Variants in CNGA1 observed in about 807,000 individuals in gnomAD.
The protein encoded by CNGA1 is cyclic nucleotide-gated channel alpha-1.
A neutral mutation model predicts 69.7 loss-of-function variants in CNGA1; 53 were observed. That is an observed-to-expected ratio of 0.76 (90% CI 0.61 to 0.96). The LOEUF is 0.96. Ranked by LOEUF, CNGA1 falls within the 40% of genes least tolerant of loss-of-function variation. The pLI, the probability that CNGA1 is intolerant of heterozygous loss-of-function variation, is 0.00. For synonymous variants in CNGA1, 249 were observed against 283.5 expected (o/e 0.88, Z 1.22); for missense variants, 739 against 811.2 (o/e 0.91, Z 1.08).
chr4:47,996,259 A>T (rs888691357), intron 2 of CNGA1, among the ~76,000 whole-genome samples: 10 of 152,092 alleles, frequency 6.6e-5, no homozygotes, highest in Non-Finnish European at 1.3e-4. Context: ...AGCCCTCAGC[A>T]TGATTGGGGT....
chr4:47,939,901 G>A (rs1272775413), intron 10 of CNGA1, among the ~76,000 whole-genome samples: 1 of 152,146 alleles, frequency 6.6e-6, no homozygotes, highest in Non-Finnish European at 1.5e-5. Context: ...TATCGTGGAC[G>A]CTTGGGTACT....
At chr4:47,954,459 C>T (rs1051852989) in intron 3 of CNGA1, among the ~76,000 whole-genome samples, 7 of 152,226 alleles carry the variant, frequency 4.6e-5, no homozygotes, top group African/African-American at 1.7e-4. Context: ...CTCCCCCTTC[C>T]CTCAGGGGTT....
intron 2 of CNGA1, among the ~76,000 whole-genome samples, chr4:47,985,781 T>G (rs1321918653): frequency 6.7e-6 from 1 of 149,666 alleles, no homozygotes; most frequent in Non-Finnish European, 1.5e-5. Flanking sequence ...AAAAACCATA[T>G]TTAAGAATGA....
intron 6 of CNGA1, among the ~76,000 whole-genome samples, chr4:47,944,596 C>G (rs1022558581): frequency 6.6e-6 from 1 of 152,146 alleles, no homozygotes; most frequent in East Asian, 1.9e-4. Context: ...AGAAAAGTGG[C>G]ATCTTGAAGT....
chr4:47,958,531 A>G (rs915138679), intron 3 of CNGA1, among the ~76,000 whole-genome samples: 1 of 152,038 alleles, frequency 6.6e-6, no homozygotes, highest in Non-Finnish European at 1.5e-5. Context: ...CTGAGGCAGG[A>G]GAATCATTGG....
intron 3 of CNGA1, among the ~76,000 whole-genome samples, chr4:47,961,562 G>A (rs1740438950): frequency 1.3e-5 from 2 of 152,160 alleles, no homozygotes; most frequent in African/African-American, 4.8e-5. Context: ...GGGCAACATA[G>A]TGAGATCCCC....
intron 3 of CNGA1, among the ~76,000 whole-genome samples, chr4:47,960,689 T>TAC (rs1479362228): frequency 1.3e-5 from 2 of 149,726 alleles, no homozygotes; most frequent in Non-Finnish European, 3.0e-5. Flanking sequence ...TTTTCATCAA[T>TAC]AGAGGAATGG....
chr4:47,984,751 CA>C (rs1560305892), intron 2 of CNGA1, among the ~76,000 whole-genome samples: 1 of 150,994 alleles, frequency 6.6e-6, no homozygotes, highest in Non-Finnish European at 1.5e-5. Context: ...TTTAATTACC[CA>C]ATTTGGATCT....
intron 3 of CNGA1, among the ~76,000 whole-genome samples, chr4:47,968,169 C>T (rs1428894119): frequency 1.3e-5 from 2 of 152,112 alleles, no homozygotes; most frequent in Non-Finnish European, 2.9e-5. Flanking sequence ...AAGTATTTGG[C>T]ATCTACAAGG....
chr4:47,937,345 T>C lies in CNGA1; in HGVS notation c.1137A>G (p.Leu379=), dbSNP rs1738728562. ...SEYVFVVVDF[L]IGVLIFATIV... ...TGGTAGCAAAAATTAACACTCCAATTAGGAAATCAACCACCACAAAGACAT... is the reference window on the plus strand; with the variant it reads ...TGGTAGCAAAAATTAACACTCCAATCAGGAAATCAACCACCACAAAGACAT... The change falls in exon 11 of 11, where the codon CTA becomes CTG. Residue 379 remains leucine (L), a synonymous_variant. Transcript: ENST00000514170. 6.2e-7 allele frequency: 1 copy of C among 1,613,898 alleles called. No homozygotes were observed. The highest frequency in any genetic ancestry group is 1.1e-5 in the South Asian group (1 of 91,086).
chr4:48,002,094 G>T (rs1342174571), intron 2 of CNGA1, among the ~76,000 whole-genome samples: 1 of 152,066 alleles, frequency 6.6e-6, no homozygotes, highest in African/African-American at 2.4e-5. Context: ...TAGTGAAAGA[G>T]AATAAAGGTT....
intron 10 of CNGA1, among the ~76,000 whole-genome samples, chr4:47,938,835 G>A (rs1738859128): frequency 6.6e-6 from 1 of 151,872 alleles, no homozygotes; most frequent in Non-Finnish European, 1.5e-5. Context: ...CCAGCACTTT[G>A]GAAGGCTGAG....
At chr4:47,959,935 C>T (rs192493600) in intron 3 of CNGA1, among the ~76,000 whole-genome samples, 3,013 of 152,154 alleles carry the variant, frequency 0.02, 123 homozygotes, top group African/African-American at 0.069. Flanking sequence ...CATTGGATAT[C>T]ATCAAAAATT....
intron 2 of CNGA1, among the ~76,000 whole-genome samples, chr4:47,984,182 A>G (rs746505309): frequency 6.6e-6 from 1 of 152,172 alleles, no homozygotes; most frequent in Non-Finnish European, 1.5e-5. Flanking sequence ...ATAGCAAAGA[A>G]TTCTTCTACA....
In CNGA1 at chr4:47,937,763, A is replaced by G; in HGVS notation, c.719T>C (p.Leu240Ser). The change falls in exon 11 of 11, where the codon TTG becomes TCG. Residue 240 changes from leucine to serine, a missense_variant. Leu to Ser is a moderately radical substitution (Grantham distance 145). Coordinates refer to ENST00000514170, the MANE Select transcript of CNGA1 (RefSeq NM_001379270.1). ...LKLINKYKSN[L>S]QFKLDVLSLI... ...TGACAGAACATCAAGTTTAAATTGCAAGTTGGATTTATATTTATTTATGAG... is the reference window on the plus strand; with the variant it reads ...TGACAGAACATCAAGTTTAAATTGCGAGTTGGATTTATATTTATTTATGAG... 1 of 1,613,770 alleles carries G rather than the reference A, an allele frequency of 6.2e-7. No individual in the cohort carries two copies. Among genetic ancestry groups the G allele is most frequent in the Non-Finnish European group, 8.5e-7 (1 of 1,179,784 alleles).
chr4:47,973,371 CG>C (rs1741153509), intron 3 of CNGA1, among the ~76,000 whole-genome samples: 1 of 151,952 alleles, frequency 6.6e-6, no homozygotes, highest in Non-Finnish European at 1.5e-5. Flanking sequence ...CCACCGCGTC[CG>C]GTCTAAAGCA....
At position 47,936,599 on chromosome 4, in the gene CNGA1, C is replaced by G; in HGVS notation, c.1883G>C (p.Gly628Ala). Residue 628 changes from glycine (G) to alanine (A), a missense_variant, in exon 11 of 11, where the codon GGG becomes GCG. Transcript: ENST00000514170. Reference sequence around the variant, plus strand: ...CCTGGTTTGCAGGAGGTCTACTGACCCCTCCATTCGAGTAACCTTCTCTTC... The same window carrying G: ...CCTGGTTTGCAGGAGGTCTACTGACGCCTCCATTCGAGTAACCTTCTCTTC... ...DLEEKVTRME[G>A]SVDLLQTRFA... 6.2e-7 allele frequency: 1 copy of G among 1,614,130 alleles called. No individual in the cohort carries two copies. The highest frequency in any genetic ancestry group is 8.5e-7 in the Non-Finnish European group (1 of 1,180,020).
chr4:47,994,139 A>G (rs182005912), intron 2 of CNGA1, among the ~76,000 whole-genome samples: 2 of 152,240 alleles, frequency 1.3e-5, no homozygotes, highest in Admixed American at 6.5e-5. Context: ...GTCAAATAGA[A>G]TGTATATTCT....
rs575255797 is a variant in CNGA1, at chr4:47,955,245, C to T, written c.-14-2542G>A. The stretch of plus-strand genomic sequence containing the variant: ...TCACCTAGGCTGGAGTGCAGTGGTG[C>T]GATATCAGCTCACTGCAACCTCTGC... On this transcript the variant is annotated intron_variant, in intron 3 of 10. Transcript: ENST00000514170. Among the ~76,000 whole-genome samples the T allele has an allele frequency of 9.0e-5, 12 of 133,330 alleles. No homozygotes were observed. In the South Asian group the frequency reaches 2.6e-3, roughly 29 times the overall value. 87.5% of individuals were successfully genotyped at this position (133,330 alleles called of 152,430 possible).
Sources: allele counts gnomAD v4.1 joint callset (sites outside exome capture counted in the v4.1 genomes callset), GRCh38; gene constraint gnomAD v4.1.1; transcripts MANE v1.5; gene names NCBI Gene and HGNC (gene_info 2026-07-23, HGNC 2026-07-21).